The following CAMK1D variants were observed in gnomAD, a reference collection of about 807,000 sequenced individuals.
The protein encoded by CAMK1D is calcium/calmodulin dependent protein kinase ID, also known as calcium/calmodulin-dependent protein kinase type 1D.
CAMK1D carries 9 observed loss-of-function variants against 47.7 expected under a neutral mutation model. The ratio of observed to expected loss-of-function variants is 0.19; its 90% CI spans 0.11 to 0.33. The LOEUF (loss-of-function observed/expected upper bound fraction) is 0.33, where lower values mean the gene tolerates loss of function less well. Ranked by LOEUF, CAMK1D falls within the 10% of genes least tolerant of loss-of-function variation. The pLI, the probability that CAMK1D is intolerant of heterozygous loss-of-function variation, is 1.00. For synonymous variants in CAMK1D, 184 were observed against 184.9 expected (o/e 0.99, Z 0.04); for missense variants, 291 against 488.7 (o/e 0.60, Z 3.81).
intron 3 of CAMK1D, among the ~76,000 whole-genome samples, chr10:12,690,668 A>G (rs1832841245): frequency 6.6e-6 from 1 of 152,150 alleles, no homozygotes; most frequent in Non-Finnish European, 1.5e-5. Context: ...AAACTGGCCT[A>G]AGGTCTGTGA....
At chr10:12,781,343 G>A (rs968401537) in intron 5 of CAMK1D, among the ~76,000 whole-genome samples, 1 of 152,260 alleles carries the variant, frequency 6.6e-6, no homozygotes, top group Admixed American at 6.5e-5. Context: ...CAGAAGGGCC[G>A]CACAGCAGTG....
At chr10:12,433,307 G>T (rs1163540775) in intron 1 of CAMK1D, among the ~76,000 whole-genome samples, 1 of 152,082 alleles carries the variant, frequency 6.6e-6, no homozygotes, top group African/African-American at 2.4e-5. Context: ...CCCTCCTGCA[G>T]ACCCCAGGAC....
intron 1 of CAMK1D, among the ~76,000 whole-genome samples, chr10:12,434,702 A>G (rs140295423): frequency 3.7e-4 from 56 of 152,350 alleles, no homozygotes; most frequent in African/African-American, 1.1e-3. Context: ...TCTGTTAAAT[A>G]ATACTCTGAA....
At position 12,716,006 on chromosome 10, in the gene CAMK1D, C is replaced by T. The variant is rs149289287; in HGVS notation, c.300-44942C>T. 1.8e-3 allele frequency among the ~76,000 whole-genome samples: 268 copies of T among 152,070 alleles called. 1 individual carries two copies. The highest frequency in any genetic ancestry group is 0.017 in the Middle Eastern group (5 of 294). On this transcript the variant is annotated intron_variant, in intron 3 of 10. Coordinates refer to ENST00000619168, the MANE Select transcript of CAMK1D (RefSeq NM_153498.4). ...GATTACAGGTGTGAGCCACTGCGCC[C>T]GGCCCATTTTGCTTATTTTAATAAA...
chr10:12,827,048 G>A (rs1644393), intron 10 of CAMK1D, among the ~76,000 whole-genome samples: 117,775 of 152,174 alleles, frequency 0.77, 45,749 homozygotes, highest in East Asian at 0.9. Flanking sequence ...CCTCTGAGGA[G>A]CTCCACTAGG....
At chr10:12,767,022 C>T (rs1836796221) in intron 4 of CAMK1D, among the ~76,000 whole-genome samples, 1 of 152,112 alleles carries the variant, frequency 6.6e-6, no homozygotes, top group Non-Finnish European at 1.5e-5. Context: ...CCCTGGGCCC[C>T]ATCTCAGACC....
intron 1 of CAMK1D, among the ~76,000 whole-genome samples, chr10:12,476,441 G>A (rs1833905354): frequency 6.6e-6 from 1 of 152,130 alleles, no homozygotes; most frequent in Non-Finnish European, 1.5e-5. Context: ...AGGGGAGGAA[G>A]CCCCTTGGGA....
intron 2 of CAMK1D, among the ~76,000 whole-genome samples, chr10:12,631,396 G>A (rs1486653395): frequency 6.6e-6 from 1 of 152,156 alleles, no homozygotes; most frequent in Non-Finnish European, 1.5e-5. Context: ...TTCCTTATTT[G>A]GAGATGCTCC....
chr10:12,384,486 A>G (rs1224234780), intron 1 of CAMK1D, among the ~76,000 whole-genome samples: 1 of 152,262 alleles, frequency 6.6e-6, no homozygotes, highest in Admixed American at 6.5e-5. Flanking sequence ...GTCCTGGTGT[A>G]TAGATCAGTG....
chr10:12,385,155 G>A (rs1339404876), intron 1 of CAMK1D, among the ~76,000 whole-genome samples: 1 of 152,218 alleles, frequency 6.6e-6, no homozygotes, highest in Non-Finnish European at 1.5e-5. Context: ...CTGCTGGTGT[G>A]GATGTAAAAT....
chr10:12,462,978 T>G (rs1833481159), intron 1 of CAMK1D, among the ~76,000 whole-genome samples: 1 of 152,172 alleles, frequency 6.6e-6, no homozygotes, highest in East Asian at 1.9e-4. Context: ...CTATCTGGGC[T>G]GGAAGAAAAA....
At chr10:12,657,036 A>G (rs1293782724) in intron 2 of CAMK1D, among the ~76,000 whole-genome samples, 1 of 152,210 alleles carries the variant, frequency 6.6e-6, no homozygotes, top group Non-Finnish European at 1.5e-5. Context: ...GTGCAATTCC[A>G]CTAATCAGTA....
intron 2 of CAMK1D, among the ~76,000 whole-genome samples, chr10:12,558,620 A>C (rs901600456): frequency 6.6e-6 from 1 of 152,032 alleles, no homozygotes; most frequent in African/African-American, 2.4e-5. Context: ...AGAAAGGCAA[A>C]TATATCAACA....
intron 3 of CAMK1D, 149 bp from the exon 4 acceptor site, chr10:12,760,799 C>A (rs1836466206): frequency 1.3e-6 from 1 of 787,040 alleles, no homozygotes; most frequent in Non-Finnish European, 2.1e-6. Flanking sequence ...CATTTCCTGG[C>A]TATAGCCTCT....
chr10:12,756,872 G>A (rs1245118132), intron 3 of CAMK1D, among the ~76,000 whole-genome samples: 2 of 152,210 alleles, frequency 1.3e-5, no homozygotes, highest in African/African-American at 4.8e-5. Context: ...GCAGTGAGCC[G>A]AGATGATGCC....
At chr10:12,641,965 A>G (rs1839678725) in intron 2 of CAMK1D, among the ~76,000 whole-genome samples, 1 of 151,646 alleles carries the variant, frequency 6.6e-6, no homozygotes, top group Non-Finnish European at 1.5e-5. Flanking sequence ...CAATTGCTTG[A>G]ACCCAGGAGG....
intron 5 of CAMK1D, among the ~76,000 whole-genome samples, chr10:12,782,483 A>G (rs977357849): frequency 6.6e-6 from 1 of 152,204 alleles, no homozygotes; most frequent in African/African-American, 2.4e-5. Flanking sequence ...TCTGTTTAGC[A>G]TCTCTGAAAA....
At chr10:12,551,581 T>C (rs1836578668) in intron 1 of CAMK1D, among the ~76,000 whole-genome samples, 1 of 151,552 alleles carries the variant, frequency 6.6e-6, no homozygotes, top group African/African-American at 2.4e-5. Flanking sequence ...ATGGTGAAAA[T>C]ACAAAAATTA....
intron 4 of CAMK1D, among the ~76,000 whole-genome samples, chr10:12,763,936 C>T (rs1020131426): frequency 6.6e-6 from 1 of 152,168 alleles, no homozygotes; most frequent in African/African-American, 2.4e-5. Context: ...GGGCCAGACC[C>T]TCTCCCTGTG....
Sources: allele counts gnomAD v4.1 joint callset (sites outside exome capture counted in the v4.1 genomes callset), GRCh38; gene constraint gnomAD v4.1.1; transcripts MANE v1.5; gene names NCBI Gene and HGNC (gene_info 2026-07-23, HGNC 2026-07-21).